The following APP variants were observed in gnomAD, a reference collection of about 807,000 sequenced individuals.
APP encodes the protein amyloid-beta precursor protein.
APP carries 31 observed loss-of-function variants against 101.4 expected under a neutral mutation model. The observed-to-expected ratio is 0.31, with a 90% CI of 0.23 to 0.41. APP has a LOEUF of 0.41. Ranked by LOEUF, APP falls within the 10% of genes least tolerant of loss-of-function variation. The probability of loss-of-function intolerance (pLI) is 1.00; values close to 1 mark genes in which losing one functional copy is unlikely to be tolerated. For missense variants in APP, 839 were observed against 1,003.7 expected (o/e 0.84, Z 2.22); for synonymous variants, 366 against 364.4 (o/e 1.00, Z -0.05).
rs189450118 is a variant in APP at position 26,038,820 on chromosome 21, C to T, written c.662+12180G>A. Among the ~76,000 whole-genome samples, 53 of 152,174 alleles carry T rather than the reference C, an allele frequency of 3.5e-4. 1 individual carries two copies. Among genetic ancestry groups the T allele is most frequent in the Admixed American group, 2.7e-3 (41 of 15,286 alleles). On this transcript the variant is annotated intron_variant, in intron 5 of 17. Coordinates refer to ENST00000346798, the MANE Select transcript of APP (RefSeq NM_000484.4). ...CTGCTCCCCCAACAATTCCAATCTACGCATTTTAAACAAGTCCACTGTAAA... is the reference window on the plus strand; with the variant it reads ...CTGCTCCCCCAACAATTCCAATCTATGCATTTTAAACAAGTCCACTGTAAA...
Position 26,118,118 on chromosome 21 carries a change from C to T in APP, c.58-5972G>A, listed in dbSNP as rs138744629. Among the ~76,000 whole-genome samples, 320 of 152,286 alleles carry T rather than the reference C, an allele frequency of 2.1e-3. 1 individual carries two copies. The highest frequency in any genetic ancestry group is 7.4e-3 in the African/African-American group (306 of 41,572). On this transcript the variant is annotated intron_variant, in intron 1 of 17. Coordinates refer to ENST00000346798, the MANE Select transcript of APP (RefSeq NM_000484.4). ...TTCTCAAGTTGACCCAAAACTCCTACCCACTCATAAGAAGGCCAGTAAGTC... is the reference window on the plus strand; with the variant it reads ...TTCTCAAGTTGACCCAAAACTCCTATCCACTCATAAGAAGGCCAGTAAGTC...
At chr21:26,072,424 G>A (rs983579880) in intron 3 of APP, among the ~76,000 whole-genome samples, 9 of 152,002 alleles carry the variant, frequency 5.9e-5, no homozygotes, top group African/African-American at 2.2e-4. Flanking sequence ...TTACATTGCT[G>A]AGACCACATC....
intron 3 of APP, among the ~76,000 whole-genome samples, chr21:26,062,565 G>A (rs937383101): frequency 6.6e-6 from 1 of 150,804 alleles, no homozygotes; most frequent in Non-Finnish European, 1.5e-5. Flanking sequence ...GGGAGGCTGG[G>A]GCAGGAGAAT....
chr21:26,118,277 T>C (rs1418464286), intron 1 of APP, among the ~76,000 whole-genome samples: 2 of 152,164 alleles, frequency 1.3e-5, no homozygotes, highest in Admixed American at 6.5e-5. Context: ...TGGCATCTAC[T>C]GCTAGGACTG....
intron 11 of APP, among the ~76,000 whole-genome samples, chr21:25,960,376 T>G (rs216758): frequency 1 from 152,242 of 152,244 alleles, 76,120 homozygotes; most frequent in Non-Finnish European, 1. Context: ...TGGAGGCCTG[T>G]AGAGTTTCTT....
chr21:25,988,702 C>CCAAAAAAAA (rs2042735986), intron 8 of APP, among the ~76,000 whole-genome samples: 3 of 62,362 alleles, frequency 4.8e-5, no homozygotes, highest in African/African-American at 1.9e-4. Flanking sequence ...AACTCTGTCT[C>CCAAAAAAAA]AAAAAAAAAA....
intron 3 of APP, among the ~76,000 whole-genome samples, chr21:26,079,320 G>C (rs80156092): frequency 6.6e-6 from 1 of 152,120 alleles, no homozygotes; most frequent in East Asian, 1.9e-4. Context: ...AAAATTCCAC[G>C]ACAATAAACA....
chr21:26,023,916 T>C (rs1000829276), intron 5 of APP, among the ~76,000 whole-genome samples: 3 of 152,256 alleles, frequency 2.0e-5, no homozygotes, highest in Non-Finnish European at 2.9e-5. Context: ...CTCAGTGAAA[T>C]TGGGAAGAGG....
At chr21:26,057,889 A>C (rs1028830181) in intron 3 of APP, among the ~76,000 whole-genome samples, 1 of 152,198 alleles carries the variant, frequency 6.6e-6, no homozygotes, top group East Asian at 1.9e-4. Context: ...TTAATATTAT[A>C]ATCTACAATG....
intron 2 of APP, among the ~76,000 whole-genome samples, chr21:26,102,772 C>G (rs1248409549): frequency 1.3e-5 from 2 of 151,396 alleles, no homozygotes; most frequent in Admixed American, 6.6e-5. Flanking sequence ...CACCTGTAAT[C>G]TCAGCTACTT....
chr21:25,897,796 A>G, intron 15 of APP, 123 bp from the exon 16 acceptor site: 1 of 777,754 alleles, frequency 1.3e-6, no homozygotes, highest in South Asian at 1.5e-5. Flanking sequence ...GAAAATTGAT[A>G]AATGACTCTT....
Position 26,000,030 on chromosome 21 carries a change from C to G in APP, c.1018G>C (p.Val340Leu). Residue 340 changes from valine (V) to leucine (L), a missense_variant, in exon 7 of 18, where the codon GTG becomes CTG. Physicochemically the swap from Val to Leu is conservative, Grantham distance 32. Transcript: ENST00000346798. ...GTCCACTTACTGGCGCTGCCACACA[C>G]GGCCATGCAGTACTCTTCTGTGTCA... is the stretch of plus-strand genomic sequence containing the variant. ...NFDTEEYCMA[V>L]CGSAMSQSLL... is the part of the protein sequence containing the mutation. The G allele has an allele frequency of 6.2e-7, 1 of 1,614,060 alleles. No individual in the cohort carries two copies. Among genetic ancestry groups the G allele is most frequent in the Non-Finnish European group, 8.5e-7 (1 of 1,179,984 alleles).
chr21:25,970,979 G>A (rs1359165366), intron 11 of APP, among the ~76,000 whole-genome samples: 1 of 152,108 alleles, frequency 6.6e-6, no homozygotes, highest in African/African-American at 2.4e-5. Flanking sequence ...CCAAGATTGA[G>A]TGAGAAGAAC....
chr21:25,920,467 T>G (rs1418292033), intron 13 of APP, among the ~76,000 whole-genome samples: 2 of 152,134 alleles, frequency 1.3e-5, no homozygotes, highest in Non-Finnish European at 2.9e-5. Flanking sequence ...ATCAGTGTGC[T>G]GTATTCAGGA....
At chr21:26,037,493 A>T (rs946738964) in intron 5 of APP, among the ~76,000 whole-genome samples, 1 of 152,134 alleles carries the variant, frequency 6.6e-6, no homozygotes, top group African/African-American at 2.4e-5. Flanking sequence ...AAAAATAAAA[A>T]TTTTTAAAAA....
chr21:25,993,529 C>A (rs2042948124), intron 8 of APP, among the ~76,000 whole-genome samples: 1 of 152,220 alleles, frequency 6.6e-6, no homozygotes, highest in South Asian at 2.1e-4. Context: ...ACCTTCAATA[C>A]TATAGTCAGG....
intron 1 of APP, among the ~76,000 whole-genome samples, chr21:26,149,356 T>A (rs2063215983): frequency 6.6e-6 from 1 of 152,206 alleles, no homozygotes; most frequent in African/African-American, 2.4e-5. Flanking sequence ...AAGAAAAAAT[T>A]AAGTGAAAGC....
rs1442641610 is a variant in APP, at chr21:25,935,249, A to T, written c.1687+19341T>A. ...GTCAGGGCAGCTGAAGTAATCTATA[A>T]AACTTAGCATGTCAATTTCAATTTA... On this transcript the variant is annotated intron_variant, in intron 13 of 17. Transcript: ENST00000346798. 2.0e-5 allele frequency: 3 copies of T among 152,344 alleles called. No homozygotes were observed. The East Asian group carries it at 5.8e-4, about 29-fold the overall frequency. The allele number at this position is 152,344 out of a possible 1,614,324, so 9.4% of individuals were successfully genotyped here.
At chr21:25,918,086 AGT>A (rs1290533497) in intron 13 of APP, among the ~76,000 whole-genome samples, 1 of 152,188 alleles carries the variant, frequency 6.6e-6, no homozygotes, top group Admixed American at 6.5e-5. Flanking sequence ...TGTTGGTGAG[AGT>A]GTTAGTTCAA....
Sources: allele counts gnomAD v4.1 joint callset (sites outside exome capture counted in the v4.1 genomes callset), GRCh38; gene constraint gnomAD v4.1.1; transcripts MANE v1.5; gene names NCBI Gene and HGNC (gene_info 2026-07-23, HGNC 2026-07-21).